N4BP2L2: variants seen among roughly 807,000 people sequenced by gnomAD.
The protein encoded by N4BP2L2 is NEDD4-binding protein 2-like 2.
Under a neutral mutation model 56.2 loss-of-function variants are expected in N4BP2L2, and 50 were observed. That is an observed-to-expected ratio of 0.89 (90% CI 0.71 to 1.13). N4BP2L2 has a LOEUF of 1.13. N4BP2L2 is among the 50% of genes most tolerant of loss of function. N4BP2L2 has a pLI of 0.00. For missense variants in N4BP2L2, 689 were observed against 693.8 expected (o/e 0.99, Z 0.08); for synonymous variants, 203 against 223.6 (o/e 0.91, Z 0.82).
intron 7 of N4BP2L2, among the ~76,000 whole-genome samples, chr13:32,439,854 TCCAAAAAA>T (rs1280896261): frequency 1.4e-4 from 6 of 43,494 alleles, no homozygotes; most frequent in Admixed American, 6.3e-4. Context: ...CTATTAAGAA[TCCAAAAAA>T]AAAAAAAAAA....
At chr13:32,518,451 G>A (rs1336535566) in intron 5 of N4BP2L2, among the ~76,000 whole-genome samples, 1 of 152,044 alleles carries the variant, frequency 6.6e-6, no homozygotes, top group Non-Finnish European at 1.5e-5. Context: ...TATTATTACA[G>A]ACACAATTTG....
In N4BP2L2 at chr13:32,526,818, G is replaced by GTTTTTTTTTTTTTTTTTTTTTTTTT. The variant is rs35925361; in HGVS notation, c.1384+565_1384+589dup. ...CTGAGGCCAGGCACACTTTTTGTCT[G>GTTTTTTTTTTTTTTTTTTTTTTTTT]TTTTTTTTTTTTTTTTTTTTTTTTT... On this transcript the variant is annotated intron_variant, in intron 3 of 5. Transcript: ENST00000267068. 8.2e-5 allele frequency: 2 copies of GTTTTTTTTTTTTTTTTTTTTTTTTT among 24,244 alleles called. 1 individual carries two copies. Among genetic ancestry groups the GTTTTTTTTTTTTTTTTTTTTTTTTT allele is most frequent in the African/African-American group, 2.7e-4 (2 of 7,326 alleles). 1.5% of individuals were successfully genotyped at this position (24,244 alleles called of 1,614,324 possible). A position where few individuals can be genotyped will look rare whatever the true frequency, so the allele number is the denominator to read the frequency against.
intron 6 of N4BP2L2, among the ~76,000 whole-genome samples, chr13:32,476,416 A>G (rs1196756376): frequency 6.6e-6 from 1 of 152,222 alleles, no homozygotes; most frequent in Non-Finnish European, 1.5e-5. Context: ...ATTACGTGGA[A>G]TTCTGATGCT....
At chr13:32,476,929 T>C in intron 6 of N4BP2L2, among the ~76,000 whole-genome samples, 1 of 152,192 alleles carries the variant, frequency 6.6e-6, no homozygotes, top group South Asian at 2.1e-4. Context: ...CAGACCATTT[T>C]AGTTTTGATT....
chr13:32,466,043 AT>A lies in N4BP2L2; in HGVS notation c.366-21918del, dbSNP rs543029890. Among the ~76,000 whole-genome samples the A allele has an allele frequency of 2.9e-4, 44 of 152,286 alleles. 1 individual carries two copies. The South Asian group carries it at 8.9e-3, about 31-fold the overall frequency. ...ACCGAATTGATTTTATGGCCCTCTAATTGGTCACATCCTACAATTTAAAAAC... is the reference window on the plus strand; with the variant it reads ...ACCGAATTGATTTTATGGCCCTCTAATGGTCACATCCTACAATTTAAAAAC... On this transcript the variant is annotated intron_variant, in intron 6 of 9. Transcript: ENST00000357505.
At position 32,527,437 on chromosome 13, in the gene N4BP2L2, C is replaced by T. The variant is rs149866043; in HGVS notation, c.1355G>A (p.Gly452Asp). ...GTTCTGGTTCCAGTCATGGGCATCA[C>T]CAAGTTGATTAACATTATACCTGTA... is the stretch of plus-strand genomic sequence containing the variant. The change falls in exon 3 of 6, where the codon GGT becomes GAT. Residue 452 changes from glycine to aspartate, a missense_variant. Coordinates refer to ENST00000267068, the Ensembl canonical transcript of N4BP2L2. 3.1e-4 allele frequency: 502 copies of T among 1,613,964 alleles called. No individual in the cohort carries two copies. The African/African-American group carries it at 5.4e-3, about 17-fold the overall frequency.
rs1200059123 is a variant in N4BP2L2 at position 32,438,672 on chromosome 13, G to A, written c.2170C>T (p.Gln724Ter). ...TATACCTCCACTGACATCTTCCATT[G>A]CAAGTAGATCATCTTTAGTGTCTTC... Residue 724 changes from glutamine to a stop codon, truncating the protein, a stop_gained, in exon 8 of 10, where the codon CAA (glutamine) becomes TAA (stop). Transcript: ENST00000357505. LOFTEE classifies it high-confidence loss of function. 2 of 1,606,924 alleles carry A rather than the reference G, an allele frequency of 1.2e-6. No individual in the cohort carries two copies. The highest frequency in any genetic ancestry group is 1.7e-6 in the Non-Finnish European group (2 of 1,174,084).
In N4BP2L2 at chr13:32,536,584, AC is replaced by A; in HGVS notation, c.443del (p.Gly148ValfsTer2). ...CTTTTTGTCCTCCTCTGTCATTTATACCATTTAGAACATGTGCCTCATTCCT... is the reference window on the plus strand; with the variant it reads ...CTTTTTGTCCTCCTCTGTCATTTATACATTTAGAACATGTGCCTCATTCCT... On this transcript the variant is annotated frameshift_variant, in exon 2 of 6. Transcript: ENST00000267068. LOFTEE classifies it high-confidence loss of function. 1 of 1,613,734 alleles carries A rather than the reference AC, an allele frequency of 6.2e-7. No homozygotes were observed. The highest frequency in any genetic ancestry group is 1.6e-4 in the Middle Eastern group (1 of 6,062).
At chr13:32,490,300 T>G (rs963140347) in intron 6 of N4BP2L2, among the ~76,000 whole-genome samples, 6 of 152,000 alleles carry the variant, frequency 3.9e-5, no homozygotes, top group African/African-American at 1.2e-4. Flanking sequence ...TGTTTTGTTT[T>G]TTTGTTTGTT....
At chr13:32,433,575 G>A (rs1043178703) in intron 9 of N4BP2L2, among the ~76,000 whole-genome samples, 5 of 151,998 alleles carry the variant, frequency 3.3e-5, no homozygotes, top group African/African-American at 1.2e-4. Flanking sequence ...GGAGGTTGCA[G>A]TGAGCCACTG....
At chr13:32,536,195 T>C (rs1191452736) in exon 2 of N4BP2L2, 7 of 1,613,608 alleles carry the variant, frequency 4.3e-6, no homozygotes, top group South Asian at 1.1e-5. Context: ...AGGGGGACCA[T>C]AGGGCACTAT....
chr13:32,494,505 T>C (rs921095665), intron 6 of N4BP2L2, among the ~76,000 whole-genome samples: 1 of 152,126 alleles, frequency 6.6e-6, no homozygotes, highest in African/African-American at 2.4e-5. Flanking sequence ...GGCTCAAGCC[T>C]GTAATCCTAG....
At chr13:32,454,417 G>T (rs1404702325) in intron 6 of N4BP2L2, among the ~76,000 whole-genome samples, 1 of 151,988 alleles carries the variant, frequency 6.6e-6, no homozygotes, top group Non-Finnish European at 1.5e-5. Context: ...AACAAACCTT[G>T]GGGGGGAGGG....
chr13:32,521,685 A>G (rs1173992286), intron 4 of N4BP2L2: 7 of 404,252 alleles, frequency 1.7e-5, no homozygotes, highest in African/African-American at 2.1e-5. Flanking sequence ...GAAAGTCAAA[A>G]CAATATGAGG....
At chr13:32,499,534 G>A (rs892255771) in intron 6 of N4BP2L2, among the ~76,000 whole-genome samples, 3 of 152,220 alleles carry the variant, frequency 2.0e-5, no homozygotes, top group South Asian at 4.1e-4. Context: ...TCTCATGATC[G>A]CCAAAAGCTA....
At chr13:32,462,918 C>T (rs539212073) in intron 6 of N4BP2L2, among the ~76,000 whole-genome samples, 171 of 147,938 alleles carry the variant, frequency 1.2e-3, no homozygotes, top group South Asian at 7.8e-3. Context: ...CAGCGCATGC[C>T]TGTAATCCCA....
chr13:32,470,364 T>C (rs1020472597), intron 6 of N4BP2L2, among the ~76,000 whole-genome samples: 8 of 152,190 alleles, frequency 5.3e-5, no homozygotes, highest in Non-Finnish European at 1.2e-4. Flanking sequence ...GGAATGCCCC[T>C]CTTGCCTGGG....
At chr13:32,506,908 A>G (rs1234315258), downstream of N4BP2L2, 1 of 151,892 alleles carries the variant, frequency 6.6e-6, no homozygotes, top group African/African-American at 2.4e-5. Flanking sequence ...GGCATTAAGC[A>G]TGATCACATT....
intron 6 of N4BP2L2, among the ~76,000 whole-genome samples, chr13:32,471,190 G>T (rs181212857): frequency 3.5e-4 from 54 of 152,334 alleles, no homozygotes; most frequent in African/African-American, 1.3e-3. Flanking sequence ...TGCCAAACCT[G>T]TGTATCAGGC....
Sources: allele counts gnomAD v4.1 joint callset (sites outside exome capture counted in the v4.1 genomes callset), GRCh38; gene constraint gnomAD v4.1.1; transcripts MANE v1.5; gene names NCBI Gene and HGNC (gene_info 2026-07-23, HGNC 2026-07-21).